The following GLP2R variants were observed in gnomAD, a reference collection of about 807,000 sequenced individuals.
The protein encoded by GLP2R is glucagon-like peptide 2 receptor.
GLP2R carries 59 observed loss-of-function variants against 68.2 expected under a neutral mutation model. That is an observed-to-expected ratio of 0.87 (90% confidence interval 0.70 to 1.07). GLP2R has a LOEUF of 1.07. GLP2R is among the 50% of genes least tolerant of loss of function. The pLI, the probability that GLP2R is intolerant of heterozygous loss-of-function variation, is 0.00. For synonymous variants in GLP2R, 270 were observed against 265.4 expected, an observed-to-expected ratio of 1.02 and a Z score of -0.17; for missense variants, 548 against 677.4, an observed-to-expected ratio of 0.81 and a Z score of 2.12.
In GLP2R at chr17:9,891,302, T is replaced by A. The variant is rs2067288798; in HGVS notation, c.*1597T>A. On this transcript the variant is annotated 3_prime_UTR_variant, in exon 13 of 13. Coordinates refer to ENST00000262441, the MANE Select transcript of GLP2R (RefSeq NM_004246.3). ...CAGGGCTGGGACTAGGGTGAAATAATCAAGGCACTCATCTCTAAAAAGCTC... is the reference window on the plus strand; with the variant it reads ...CAGGGCTGGGACTAGGGTGAAATAAACAAGGCACTCATCTCTAAAAAGCTC... 2 of 152,176 alleles carry A rather than the reference T, an allele frequency of 1.3e-5. No individual in the cohort carries two copies. Among genetic ancestry groups the A allele is most frequent in the Admixed American group, 1.3e-4 (2 of 15,282 alleles). The allele number at this position is 152,176 out of a possible 1,614,324, so 9.4% of individuals were successfully genotyped here.
In GLP2R at chr17:9,889,766, A is replaced by C; in HGVS notation, c.*61A>C. On this transcript the variant is annotated 3_prime_UTR_variant, in exon 13 of 13. Transcript: ENST00000262441. ...ACTCTTGAGGGGGCCCAGGAAGAGG[A>C]AGCAAAGCAGGACACACGTTGCTGG... 1 of 1,080,490 alleles carries C rather than the reference A, an allele frequency of 9.3e-7. No individual in the cohort carries two copies. Among genetic ancestry groups the C allele is most frequent in the Non-Finnish European group, 1.3e-6 (1 of 756,744 alleles). 66.9% of individuals were successfully genotyped at this position (1,080,490 alleles called of 1,614,324 possible).
chr17:9,843,669 T>G (rs184412335), intron 4 of GLP2R, among the ~76,000 whole-genome samples: 12 of 152,334 alleles, frequency 7.9e-5, no homozygotes, highest in Admixed American at 7.2e-4. Flanking sequence ...CTTGCTCTTC[T>G]CCCTGAGGAC....
At chr17:9,879,188 G>GA (rs2067167556) in intron 10 of GLP2R, among the ~76,000 whole-genome samples, 1 of 151,556 alleles carries the variant, frequency 6.6e-6, no homozygotes, top group African/African-American at 2.4e-5. Flanking sequence ...ACTGAGGCAG[G>GA]AGTAGTATAT....
intron 10 of GLP2R, among the ~76,000 whole-genome samples, chr17:9,871,667 G>A (rs1474845983): frequency 4.6e-5 from 7 of 151,218 alleles, no homozygotes; most frequent in African/African-American, 9.7e-5. Context: ...ATGAATGAAT[G>A]AAGAGAGATA....
chr17:9,838,440 G>A (rs2066754125), intron 3 of GLP2R, among the ~76,000 whole-genome samples: 1 of 152,086 alleles, frequency 6.6e-6, no homozygotes, highest in African/African-American at 2.4e-5. Context: ...AAGTCTAGAG[G>A]CCCCAAACAC....
chr17:9,889,930 C>T lies in GLP2R; in HGVS notation c.*225C>T. ...CTCTTCTCATCCTAATAACCCCCAC[C>T]AGTGTGTTTTCCACAATGCCCACCA... On this transcript the variant is annotated 3_prime_UTR_variant, in exon 13 of 13. Coordinates refer to ENST00000262441, the MANE Select transcript of GLP2R (RefSeq NM_004246.3). 1.6e-6 allele frequency: 1 copy of T among 615,610 alleles called. No homozygotes were observed. Among genetic ancestry groups the T allele is most frequent in the South Asian group, 1.5e-5 (1 of 65,538 alleles). 38.1% of individuals were successfully genotyped at this position (615,610 alleles called of 1,614,324 possible).
intron 4 of GLP2R, 55 bp downstream of exon 4, chr17:9,842,671 G>A (rs1191238632): frequency 6.3e-6 from 10 of 1,598,200 alleles, no homozygotes; most frequent in African/African-American, 1.3e-5. Flanking sequence ...ACCCTCCTTC[G>A]GGACACCCCA....
At chr17:9,842,728 C>T (rs1404480080) in intron 4 of GLP2R, 112 bp downstream of exon 4, 1 of 1,188,732 alleles carries the variant, frequency 8.4e-7, no homozygotes, top group Admixed American at 2.2e-5. Context: ...TCTCCAGCGC[C>T]TCTCCCCGGG....
intron 10 of GLP2R, among the ~76,000 whole-genome samples, chr17:9,876,431 GC>G (rs1260352233): frequency 2.6e-5 from 4 of 152,190 alleles, no homozygotes; most frequent in Non-Finnish European, 4.4e-5. Flanking sequence ...TAGGTTTAAT[GC>G]ACAGTGGACA....
intron 5 of GLP2R, among the ~76,000 whole-genome samples, chr17:9,855,759 G>A (rs2066929150): frequency 6.6e-6 from 1 of 152,192 alleles, no homozygotes; most frequent in African/African-American, 2.4e-5. Context: ...ACTTGCCCAA[G>A]ATCACCGGCT....
In GLP2R at chr17:9,826,199, T is replaced by C; in HGVS notation, c.136T>C (p.Trp46Arg). The C allele has an allele frequency of 1.2e-6, 2 of 1,613,256 alleles. No individual in the cohort carries two copies. Among genetic ancestry groups the C allele is most frequent in the Non-Finnish European group, 1.7e-6 (2 of 1,179,730 alleles). Residue 46 changes from tryptophan (W) to arginine (R), a missense_variant, in exon 1 of 13, where the codon TGG (tryptophan) becomes CGG (arginine). By Grantham distance (101) the Trp-to-Arg change is moderately radical. Transcript: ENST00000262441. ...CTCCTTCCACAGGAAGTGCTCTCTC[T>C]GGGCCCCTGGGAGGCCCTTCCTCAC... is the stretch of plus-strand genomic sequence containing the variant. Reference protein sequence around the residue: ...PLSFHRKCSLWAPGRPFLTLV... With the variant: ...PLSFHRKCSLRAPGRPFLTLV...
At chr17:9,849,779 A>AT (rs2066875532) in intron 4 of GLP2R, among the ~76,000 whole-genome samples, 1 of 151,284 alleles carries the variant, frequency 6.6e-6, no homozygotes, top group Non-Finnish European at 1.5e-5. Flanking sequence ...CGCTCGGCTA[A>AT]TTTTTTTGTA....
intron 9 of GLP2R, chr17:9,865,999 T>C (rs2067033105): frequency 4.5e-6 from 2 of 449,086 alleles, no homozygotes; most frequent in Non-Finnish European, 9.2e-6. Context: ...TCCTGAACAA[T>C]AAGGAGCTAA....
intron 3 of GLP2R, among the ~76,000 whole-genome samples, chr17:9,841,922 C>G (rs9905842): frequency 0.78 from 118,560 of 152,114 alleles, 46,464 homozygotes; most frequent in East Asian, 0.91. Context: ...AGTCTGTATG[C>G]GCAGAGGGAT....
rs372099240 is a variant in GLP2R at position 9,871,721 on chromosome 17, CTTTT to C, written c.1145+905_1145+908del. 1.3e-3 allele frequency among the ~76,000 whole-genome samples: 130 copies of C among 102,312 alleles called. 1 individual carries two copies. The highest frequency in any genetic ancestry group is 3.3e-3 in the African/African-American group (82 of 25,078). The allele number at this position is 102,312 out of a possible 152,430, so 67.1% of individuals were successfully genotyped here. A position where few individuals can be genotyped will look rare whatever the true frequency, so the allele number is the denominator to read the frequency against. On this transcript the variant is annotated intron_variant, in intron 10 of 12. Transcript: ENST00000262441. ...TTCCTAGTTATTCTTTACTTTCTTT[CTTTT>C]TTTTTTTTTTTTTTTTTTGACAGAG... is the stretch of plus-strand genomic sequence containing the variant.
Position 9,880,501 on chromosome 17 carries a change from A to C in GLP2R, c.1269A>C (p.Thr423=). Residue 423 remains threonine, a synonymous_variant, in exon 11 of 13, where the codon ACA becomes ACC. Transcript: ENST00000262441. ...AKLIRLFIQL[T]LSSFHGFLVA... is the part of the protein sequence containing the mutation. The stretch of plus-strand genomic sequence containing the variant: ...TTATACGACTTTTCATTCAGTTGAC[A>C]CTGAGCTCCTTTCATGTAAGTAGAA... 1 of 1,599,868 alleles carries C rather than the reference A, an allele frequency of 6.3e-7. No individual in the cohort carries two copies. The highest frequency in any genetic ancestry group is 8.5e-7 in the Non-Finnish European group (1 of 1,171,510).
intron 1 of GLP2R, among the ~76,000 whole-genome samples, chr17:9,833,546 C>T (rs773509844): frequency 1.5e-4 from 23 of 152,168 alleles, no homozygotes; most frequent in Non-Finnish European, 1.9e-4. Context: ...ATTTTGCGTA[C>T]TCTTGAAATG....
intron 6 of GLP2R, 141 bp downstream of exon 6, chr17:9,857,717 C>T (rs939403732): frequency 9.8e-5 from 78 of 791,954 alleles, no homozygotes; most frequent in Non-Finnish European, 1.4e-4. Context: ...AGAAGTAGTA[C>T]GTGACTTAAC....
intron 10 of GLP2R, among the ~76,000 whole-genome samples, chr17:9,878,539 G>A (rs1317329948): frequency 6.6e-6 from 1 of 152,128 alleles, no homozygotes; most frequent in Non-Finnish European, 1.5e-5. Flanking sequence ...AGTGGGAGTC[G>A]ATCTGAGCTC....
Sources: gnomAD v4.1 joint callset for allele counts (sites outside exome capture counted in the v4.1 genomes callset) on GRCh38, gnomAD v4.1.1 for gene constraint, MANE v1.5 for transcripts, NCBI Gene and HGNC (gene_info 2026-07-23, HGNC 2026-07-21) for gene names.